Variants in PRH1 observed in about 807,000 individuals in gnomAD.
PRH1 encodes the protein salivary acidic proline-rich phosphoprotein 1/2.
A neutral mutation model predicts 7.9 loss-of-function variants in PRH1; 7 were observed. The observed-to-expected ratio is 0.89, with a 90% CI of 0.50 to 1.67. The LOEUF (loss-of-function observed/expected upper bound fraction) is 1.67. PRH1 is among the 40% of genes most tolerant of loss of function. PRH1 has a pLI of 0.00. For synonymous variants in PRH1, 45 were observed against 80.8 expected (o/e 0.56, Z 2.38); for missense variants, 109 against 223.6 (o/e 0.49, Z 3.27).
At chr12:10,912,078 A>G (rs1019651311) in intron 2 of PRH1, among the ~76,000 whole-genome samples, 6 of 152,206 alleles carry the variant, frequency 3.9e-5, no homozygotes, top group Admixed American at 3.3e-4. Flanking sequence ...GATCAATATT[A>G]TGTTTCTAAA....
At chr12:11,110,680 T>G (rs1592033064) in intron 1 of PRH1, among the ~76,000 whole-genome samples, 1 of 152,154 alleles carries the variant, frequency 6.6e-6, no homozygotes, top group South Asian at 2.1e-4. Flanking sequence ...GAAAAACCAG[T>G]ACCAGCCACT....
intron 1 of PRH1, among the ~76,000 whole-genome samples, chr12:11,114,054 G>A (rs1945663786): frequency 6.6e-6 from 1 of 152,180 alleles, no homozygotes; most frequent in Non-Finnish European, 1.5e-5. Flanking sequence ...TACACTGTTG[G>A]TGGGAGTGCA....
chr12:10,957,707 T>C (rs940195444), intron 2 of PRH1, among the ~76,000 whole-genome samples: 1 of 151,932 alleles, frequency 6.6e-6, no homozygotes, highest in African/African-American at 2.4e-5. Flanking sequence ...ATAAGGAATT[T>C]ACATTTACAA....
At chr12:11,013,585 A>C (rs555350074) in intron 1 of PRH1, among the ~76,000 whole-genome samples, 3 of 152,298 alleles carry the variant, frequency 2.0e-5, no homozygotes, top group South Asian at 4.1e-4. Context: ...TTCTCTACTT[A>C]GATCATTATG....
intron 1 of PRH1, among the ~76,000 whole-genome samples, chr12:11,142,408 G>C (rs529465999): frequency 3.1e-4 from 47 of 152,210 alleles, no homozygotes; most frequent in African/African-American, 8.9e-4. Context: ...TAAAAAATAA[G>C]AAATTTGGAG....
chr12:10,939,599 T>C (rs1178005239), intron 2 of PRH1, among the ~76,000 whole-genome samples: 2 of 149,288 alleles, frequency 1.3e-5, no homozygotes, highest in South Asian at 2.1e-4. Context: ...GTCTGTCAAA[T>C]TGAGTTCTGG....
intron 2 of PRH1, among the ~76,000 whole-genome samples, chr12:10,958,999 AT>A (rs1938107167): frequency 1.3e-5 from 2 of 152,184 alleles, no homozygotes; most frequent in South Asian, 4.1e-4. Flanking sequence ...ACTAGAAAGA[AT>A]AATTAGAAAC....
intron 1 of PRH1, among the ~76,000 whole-genome samples, chr12:11,157,832 GTGA>G (rs1244147002): frequency 3.3e-5 from 5 of 152,178 alleles, no homozygotes; most frequent in Admixed American, 6.5e-5. Flanking sequence ...GGTGGTGGTG[GTGA>G]TGATGATATT....
At chr12:11,070,584 A>C (rs1213091616) in intron 1 of PRH1, among the ~76,000 whole-genome samples, 4 of 152,070 alleles carry the variant, frequency 2.6e-5, no homozygotes, top group Non-Finnish European at 5.9e-5. Context: ...TTTTTAATAA[A>C]CTTCCATTCC....
At chr12:11,062,407 G>C (rs867886610) in intron 1 of PRH1, 1 of 1,285,284 alleles carries the variant, frequency 7.8e-7, no homozygotes, top group Non-Finnish European at 1.0e-6. Context: ...TATGTGCTGT[G>C]ACATTCTTTT....
intron 2 of PRH1, among the ~76,000 whole-genome samples, chr12:10,944,217 TG>T (rs1040402227): frequency 6.6e-6 from 1 of 152,334 alleles, no homozygotes; most frequent in African/African-American, 2.4e-5. Flanking sequence ...GAACATGGGA[TG>T]TTTTCCCATT....
chr12:11,020,156 G>A (rs1941525386), intron 1 of PRH1, among the ~76,000 whole-genome samples: 1 of 152,188 alleles, frequency 6.6e-6, no homozygotes, highest in Non-Finnish European at 1.5e-5. Flanking sequence ...TCAAGCAACT[G>A]CAGATTTTAT....
At chr12:10,990,278 A>C (rs1206241658) in intron 1 of PRH1, among the ~76,000 whole-genome samples, 1 of 152,224 alleles carries the variant, frequency 6.6e-6, no homozygotes, top group African/African-American at 2.4e-5. Context: ...CAGAAAAATG[A>C]AACTAGATGC....
At chr12:11,015,807 G>A (rs1247787500) in intron 1 of PRH1, among the ~76,000 whole-genome samples, 1 of 151,458 alleles carries the variant, frequency 6.6e-6, no homozygotes, top group Non-Finnish European at 1.5e-5. Context: ...AACAGGGAAT[G>A]AGTTACTATT....
At chr12:11,015,637 T>A (rs1941257659) in intron 1 of PRH1, among the ~76,000 whole-genome samples, 1 of 152,156 alleles carries the variant, frequency 6.6e-6, no homozygotes, top group African/African-American at 2.4e-5. Context: ...TGGGAGATTT[T>A]TTAAAATTTT....
chr12:10,994,058 T>A (rs556408318), intron 1 of PRH1, among the ~76,000 whole-genome samples: 4 of 152,234 alleles, frequency 2.6e-5, no homozygotes, highest in Non-Finnish European at 5.9e-5. Context: ...ATGCTCATAG[T>A]CAGCCATGAT....
intron 1 of PRH1, among the ~76,000 whole-genome samples, chr12:10,883,782 C>T (rs1307461003): frequency 6.6e-6 from 1 of 152,176 alleles, no homozygotes; most frequent in East Asian, 1.9e-4. Flanking sequence ...CATTAATGCT[C>T]ATCCACTGTA....
At chr12:10,981,863 A>ACTT (rs1750979134) in intron 1 of PRH1, among the ~76,000 whole-genome samples, 1 of 87,184 alleles carries the variant, frequency 1.1e-5, no homozygotes, top group Non-Finnish European at 2.8e-5. Flanking sequence ...ACAAACAACT[A>ACTT]ATTTTTTTTT....
At position 11,092,010 on chromosome 12, in the gene PRH1, C is replaced by G. The variant is rs1196087977; in HGVS notation, n.124-44822G>C. ...GTTCTTACTTCTACACTATTAAAAG[C>G]TGGATTCAACACAGTTGAATACCAG... is the stretch of plus-strand genomic sequence containing the variant. On this transcript the variant is annotated intron_variant and non_coding_transcript_variant, in intron 1 of 4. Coordinates refer to the PRH1 transcript ENST00000541977. The G allele has an allele frequency of 8.9e-6, 13 of 1,460,774 alleles. 2 individuals are homozygous for G. The highest frequency in any genetic ancestry group is 1.2e-5 in the Non-Finnish European group (13 of 1,060,464). The allele number at this position is 1,460,774 out of a possible 1,614,324, so 90.5% of individuals were successfully genotyped here.
Sources: allele counts gnomAD v4.1 joint callset (sites outside exome capture counted in the v4.1 genomes callset), GRCh38; gene constraint gnomAD v4.1.1; transcripts MANE v1.5; gene names NCBI Gene and HGNC (gene_info 2026-07-23, HGNC 2026-07-21).